SPTLC3: variants seen among roughly 807,000 people sequenced by gnomAD.
The protein encoded by SPTLC3 is serine palmitoyltransferase 3.
In SPTLC3, 36 loss-of-function variants were observed where a neutral mutation model predicts 59.3. The observed-to-expected ratio is 0.61, with a 90% confidence interval of 0.47 to 0.80. SPTLC3 has a LOEUF of 0.80. SPTLC3 is among the 30% of genes least tolerant of loss of function. SPTLC3 has a pLI of 0.00. For synonymous variants in SPTLC3, 257 were observed against 240.8 expected (o/e 1.07, Z -0.62); for missense variants, 625 against 685.1 (o/e 0.91, Z 0.98).
chr20:13,014,198 A>G (rs1985402015), intron 1 of SPTLC3, among the ~76,000 whole-genome samples: 1 of 152,220 alleles, frequency 6.6e-6, no homozygotes, highest in Non-Finnish European at 1.5e-5. Flanking sequence ...TTTTTTCATG[A>G]CAGAGGCTGC....
chr20:13,095,267 G>A (rs1239155601), intron 6 of SPTLC3, among the ~76,000 whole-genome samples: 6 of 152,172 alleles, frequency 3.9e-5, no homozygotes, highest in African/African-American at 7.2e-5. Flanking sequence ...GTGGTTAAAC[G>A]TGATAATCTC....
At chr20:13,109,695 G>A (rs1461189765) in intron 6 of SPTLC3, among the ~76,000 whole-genome samples, 2 of 152,336 alleles carry the variant, frequency 1.3e-5, no homozygotes, top group South Asian at 2.1e-4. Context: ...TGAGATCCGT[G>A]CAAACTCAGC....
Position 13,009,394 on chromosome 20 carries a change from A to C in SPTLC3, c.117+10A>C, listed in dbSNP as rs1568561110. 1 of 1,591,076 alleles carries C rather than the reference A, an allele frequency of 6.3e-7. No homozygotes were observed. Among genetic ancestry groups the C allele is most frequent in the Non-Finnish European group, 8.6e-7 (1 of 1,159,912 alleles). On this transcript the variant is annotated intron_variant, in intron 1 of 11. Transcript: ENST00000399002. ...AGTGAAGGAAGCCCAGGTAAGAGGC[A>C]CTCTCCCCTACTCTTCTCTGAATTA...
intron 5 of SPTLC3, among the ~76,000 whole-genome samples, chr20:13,092,332 G>C (rs1490149111): frequency 3.3e-5 from 5 of 152,236 alleles, no homozygotes; most frequent in African/African-American, 1.2e-4. Context: ...TGGGAAGTTG[G>C]CTGGTTCATT....
At chr20:13,094,291 G>A (rs147264803) in intron 6 of SPTLC3, among the ~76,000 whole-genome samples, 68 of 152,148 alleles carry the variant, frequency 4.5e-4, no homozygotes, top group Middle Eastern at 3.4e-3. Flanking sequence ...ATGAGGTGTC[G>A]AACTCTGTGA....
At chr20:13,158,979 G>A (rs1430601362) in intron 10 of SPTLC3, among the ~76,000 whole-genome samples, 1 of 152,186 alleles carries the variant, frequency 6.6e-6, no homozygotes, top group Non-Finnish European at 1.5e-5. Context: ...ACAGATCTGA[G>A]GCATTTACCT....
intron 8 of SPTLC3, among the ~76,000 whole-genome samples, chr20:13,119,611 A>T (rs1302860532): frequency 6.6e-6 from 1 of 152,124 alleles, no homozygotes; most frequent in Non-Finnish European, 1.5e-5. Flanking sequence ...CGCATTGTTC[A>T]TTCCCTCTCC....
At chr20:13,019,286 C>T (rs997900954) in intron 1 of SPTLC3, among the ~76,000 whole-genome samples, 1 of 152,136 alleles carries the variant, frequency 6.6e-6, no homozygotes, top group Non-Finnish European at 1.5e-5. Context: ...TAAATGTTGG[C>T]ATCTAATTTT....
At chr20:13,164,708 T>C (rs747413942) in intron 11 of SPTLC3, 46 bp from the exon 12 acceptor site, 1 of 1,454,894 alleles carries the variant, frequency 6.9e-7, no homozygotes, top group Non-Finnish European at 9.6e-7. Flanking sequence ...AAAGCAGGGC[T>C]ACTTAGGTGT....
intron 8 of SPTLC3, among the ~76,000 whole-genome samples, chr20:13,124,707 C>T (rs1001266425): frequency 2.0e-5 from 3 of 152,108 alleles, no homozygotes; most frequent in Non-Finnish European, 4.4e-5. Context: ...GTAAGGCAGG[C>T]CACACACTGT....
intron 4 of SPTLC3, among the ~76,000 whole-genome samples, chr20:13,083,722 A>C (rs1988917155): frequency 6.6e-6 from 1 of 152,132 alleles, no homozygotes; most frequent in African/African-American, 2.4e-5. Context: ...CCCAATTCCC[A>C]ACCTGGATTT....
At chr20:13,029,609 T>C (rs1261131512) in intron 1 of SPTLC3, among the ~76,000 whole-genome samples, 1 of 152,232 alleles carries the variant, frequency 6.6e-6, no homozygotes, top group African/African-American at 2.4e-5. Context: ...TGTGGTGCCA[T>C]TTTCTTAGCG....
At chr20:13,102,062 C>T (rs1335577333) in intron 6 of SPTLC3, among the ~76,000 whole-genome samples, 1 of 152,022 alleles carries the variant, frequency 6.6e-6, no homozygotes, top group Non-Finnish European at 1.5e-5. Context: ...TACTAAAGAC[C>T]AAGAGGAGGA....
At chr20:13,121,517 G>A (rs991763646) in intron 8 of SPTLC3, among the ~76,000 whole-genome samples, 3 of 152,200 alleles carry the variant, frequency 2.0e-5, no homozygotes, top group Non-Finnish European at 2.9e-5. Context: ...AGGCCTGTGT[G>A]TAGAGAAAAC....
intron 4 of SPTLC3, among the ~76,000 whole-genome samples, chr20:13,081,668 A>G (rs1252686449): frequency 6.6e-6 from 1 of 152,232 alleles, no homozygotes; most frequent in Non-Finnish European, 1.5e-5. Context: ...AATCAATGTA[A>G]CAAACACATT....
At position 13,110,210 on chromosome 20, in the gene SPTLC3, G is replaced by C; in HGVS notation, c.925G>C (p.Val309Leu). 1 of 1,613,354 alleles carries C rather than the reference G, an allele frequency of 6.2e-7. No individual in the cohort carries two copies. Among genetic ancestry groups the C allele is most frequent in the Non-Finnish European group, 8.5e-7 (1 of 1,179,598 alleles). ...AAAGATTCTCATCCTGGTGGAGGGT[G>C]TCTACAGGTATGTAAATAACAGGAC... ...WKKILILVEGVYSMEGSIVHL... is the reference protein window; with the variant it reads ...WKKILILVEGLYSMEGSIVHL... The change falls in exon 7 of 12, where the codon GTC becomes CTC. Residue 309 changes from valine (V) to leucine (L), a missense_variant. Physicochemically the swap from Val to Leu is conservative, Grantham distance 32. Coordinates refer to ENST00000399002, the MANE Select transcript of SPTLC3 (RefSeq NM_018327.4).
chr20:13,133,485 G>T (rs955791732), intron 9 of SPTLC3, among the ~76,000 whole-genome samples: 1 of 152,208 alleles, frequency 6.6e-6, no homozygotes, highest in African/African-American at 2.4e-5. Context: ...TGTAATCCCA[G>T]CACTTTGGGA....
At chr20:13,034,472 G>A (rs1229393932) in intron 1 of SPTLC3, among the ~76,000 whole-genome samples, 6 of 152,102 alleles carry the variant, frequency 3.9e-5, no homozygotes, top group Non-Finnish European at 7.4e-5. Flanking sequence ...GCCATCTCTA[G>A]GGAGCAGATT....
intron 8 of SPTLC3, among the ~76,000 whole-genome samples, chr20:13,121,049 G>A (rs1001342816): frequency 1.1e-4 from 16 of 152,196 alleles, no homozygotes; most frequent in African/African-American, 3.9e-4. Flanking sequence ...ATGGGACTAG[G>A]TTTCTTATTT....
Sources: gnomAD v4.1 joint callset for allele counts (sites outside exome capture counted in the v4.1 genomes callset) on GRCh38, gnomAD v4.1.1 for gene constraint, MANE v1.5 for transcripts, NCBI Gene and HGNC (gene_info 2026-07-23, HGNC 2026-07-21) for gene names.